SLC13A1: variants seen among roughly 807,000 people sequenced by gnomAD.
SLC13A1 encodes the protein solute carrier family 13 member 1.
In SLC13A1, 65 loss-of-function variants were observed where a neutral mutation model predicts 70.0. The observed-to-expected ratio is 0.93, with a 90% CI of 0.76 to 1.14. The LOEUF (loss-of-function observed/expected upper bound fraction) is 1.14, where lower values mean the gene tolerates loss of function less well. Ranked by LOEUF, SLC13A1 falls within the 50% of genes most tolerant of loss-of-function variation. The probability of loss-of-function intolerance (pLI) is 0.00; values close to 1 mark genes in which losing one functional copy is unlikely to be tolerated. For missense variants in SLC13A1, 726 were observed against 717.8 expected (o/e 1.01, Z -0.13); for synonymous variants, 275 against 250.5 (o/e 1.10, Z -0.92).
intron 1 of SLC13A1, among the ~76,000 whole-genome samples, chr7:123,186,385 T>G (rs1795800965): frequency 6.6e-6 from 1 of 152,092 alleles, no homozygotes; most frequent in Non-Finnish European, 1.5e-5. Context: ...TATTTGATTT[T>G]AGGACTGGCT....
At chr7:123,149,703 T>G (rs1402235443) in intron 6 of SLC13A1, 1 of 436,266 alleles carries the variant, frequency 2.3e-6, no homozygotes, top group African/African-American at 2.0e-5. Flanking sequence ...CATTTTACCA[T>G]CCTGGTTATC....
rs1793111768 is a variant in SLC13A1, at chr7:123,114,327, A to G, written c.*1191T>C. 6.6e-6 allele frequency: 1 copy of G among 152,032 alleles called. No individual in the cohort carries two copies. Among genetic ancestry groups the G allele is most frequent in the Admixed American group, 6.5e-5 (1 of 15,272 alleles). The allele number at this position is 152,032 out of a possible 1,614,324, so 9.4% of individuals were successfully genotyped here. On this transcript the variant is annotated 3_prime_UTR_variant, in exon 15 of 15. Coordinates refer to ENST00000194130, the MANE Select transcript of SLC13A1 (RefSeq NM_022444.4). ...TTGGGGGTGTATGTGATATTTTGCT[A>G]CCTGTCTACAATGTGTAATTGTCAC...
At position 123,124,905 on chromosome 7, in the gene SLC13A1, C is replaced by A. The variant is rs571464620; in HGVS notation, c.1240+664G>T. Among the ~76,000 whole-genome samples the A allele has an allele frequency of 5.9e-5, 9 of 152,178 alleles. No individual in the cohort carries two copies. The East Asian group carries it at 1.7e-3, about 29-fold the overall frequency. On this transcript the variant is annotated intron_variant, in intron 11 of 14. Transcript: ENST00000194130. ...CCTCCAACTCCTGGGCTCAAGTGAT[C>A]CTCCTGCGTTGGCCTCCAGATTGGC...
At chr7:123,127,945 T>C (rs1793617229) in intron 10 of SLC13A1, among the ~76,000 whole-genome samples, 1 of 149,810 alleles carries the variant, frequency 6.7e-6, no homozygotes, top group African/African-American at 2.5e-5. Context: ...GAAAGATAGA[T>C]TGGGAACACA....
In SLC13A1 at chr7:123,115,597, C is replaced by T; in HGVS notation, c.1709G>A (p.Cys570Tyr). Residue 570 changes from cysteine to tyrosine, a missense_variant, in exon 15 of 15, where the codon TGT (cysteine) becomes TAT (tyrosine). Coordinates refer to ENST00000194130, the MANE Select transcript of SLC13A1 (RefSeq NM_022444.4). ...VGVAVVMLGI[C>Y]TWIVPMFDLY... ...GTCAAACATGGGTACAATCCAAGTA[C>T]ATATGCCAAGCATAACCACAGCAAC... is the stretch of plus-strand genomic sequence containing the variant. The T allele has an allele frequency of 1.2e-6, 2 of 1,613,834 alleles. No individual in the cohort carries two copies. Among genetic ancestry groups the T allele is most frequent in the African/African-American group, 1.3e-5 (1 of 75,014 alleles).
At position 123,168,498 on chromosome 7, in the gene SLC13A1, C is replaced by A; in HGVS notation, c.611+6G>T. 1 of 1,608,422 alleles carries A rather than the reference C, an allele frequency of 6.2e-7. No individual in the cohort carries two copies. The highest frequency in any genetic ancestry group is 8.5e-7 in the Non-Finnish European group (1 of 1,176,170). On this transcript the variant is annotated splice_donor_region_variant and intron_variant, in intron 5 of 14. Transcript: ENST00000194130. ...AAATCCCAATCAAAATGTCAGTATT[C>A]CTTACCCTGGAACTGGTTTTGTTTT...
In SLC13A1 at chr7:123,129,366, G is replaced by A. The variant is rs867116811; in HGVS notation, c.1031+17C>T. ...TGTGTGTGTGTGTGTGTGTGTGTGT[G>A]TGTGTGTTTGTCTTACCTTATTGGC... is the stretch of plus-strand genomic sequence containing the variant. On this transcript the variant is annotated intron_variant, in intron 9 of 14. Coordinates refer to ENST00000194130, the MANE Select transcript of SLC13A1 (RefSeq NM_022444.4). The A allele has an allele frequency of 4.1e-6, 4 of 978,572 alleles. No individual in the cohort carries two copies. The highest frequency in any genetic ancestry group is 6.0e-6 in the Non-Finnish European group (4 of 666,370). The allele number at this position is 978,572 out of a possible 1,614,324, so 60.6% of individuals were successfully genotyped here.
At chr7:123,147,805 T>C (rs1027774647) in intron 6 of SLC13A1, among the ~76,000 whole-genome samples, 4 of 152,186 alleles carry the variant, frequency 2.6e-5, no homozygotes, top group African/African-American at 9.7e-5. Context: ...CTGAAATATT[T>C]TAAAAACCCA....
chr7:123,137,504 C>T (rs1016066129), intron 7 of SLC13A1, among the ~76,000 whole-genome samples: 15 of 152,148 alleles, frequency 9.9e-5, no homozygotes, highest in Admixed American at 9.2e-4. Flanking sequence ...ATCCTGTTGT[C>T]AGAGGAAGGG....
intron 13 of SLC13A1, 91 bp from the exon 14 acceptor site, chr7:123,117,699 A>T: frequency 1.4e-6 from 1 of 710,354 alleles, no homozygotes; most frequent in Non-Finnish European, 2.3e-6. Context: ...AAGCCTTCCC[A>T]GAAGCATGTT....
chr7:123,116,839 G>A (rs1793195372), intron 14 of SLC13A1, among the ~76,000 whole-genome samples: 1 of 152,118 alleles, frequency 6.6e-6, no homozygotes, highest in African/African-American at 2.4e-5. Flanking sequence ...TTGGAAATTG[G>A]TGATGAAGAT....
intron 9 of SLC13A1, 27 bp downstream of exon 9, chr7:123,129,355 TG>T (rs1222583595): frequency 8.6e-7 from 1 of 1,156,174 alleles, no homozygotes; most frequent in East Asian, 2.4e-5. Flanking sequence ...TGTGTGTGTG[TG>T]TGTGTGTGTG....
chr7:123,119,054 T>C (rs753464938), intron 13 of SLC13A1, 27 bp downstream of exon 13: 2 of 1,594,452 alleles, frequency 1.3e-6, no homozygotes, highest in East Asian at 2.2e-5. Context: ...TAATGAAGAG[T>C]AAAAAGGGGA....
intron 9 of SLC13A1, 39 bp downstream of exon 9, chr7:123,129,344 G>C (rs774740703): frequency 0.038 from 28,349 of 752,338 alleles, 873 homozygotes; most frequent in East Asian, 0.1. Context: ...GTGTGTGTGT[G>C]TGTGTGTGTG....
At position 123,114,186 on chromosome 7, in the gene SLC13A1, G is replaced by A. The variant is rs1585273582; in HGVS notation, c.*1332C>T. 1 of 144,696 alleles carries A rather than the reference G, an allele frequency of 6.9e-6. No individual in the cohort carries two copies. The highest frequency in any genetic ancestry group is 2.6e-5 in the African/African-American group (1 of 38,914). The allele number at this position is 144,696 out of a possible 1,614,324, so 9.0% of individuals were successfully genotyped here. ...CTGTGATATAACATCTGCATCTTTT[G>A]CTAACTGTGCACCTTACTTTGTTTT... On this transcript the variant is annotated 3_prime_UTR_variant, in exon 15 of 15. Transcript: ENST00000194130.
chr7:123,197,428 T>C (rs2116698548), intron 1 of SLC13A1, among the ~76,000 whole-genome samples: 1 of 152,258 alleles, frequency 6.6e-6, no homozygotes. Context: ...ACCTAAAAGT[T>C]AACAGTAAAT....
At chr7:123,115,715 A>G in intron 14 of SLC13A1, 60 bp from the exon 15 acceptor site, 1 of 1,578,986 alleles carries the variant, frequency 6.3e-7, no homozygotes, top group Non-Finnish European at 8.7e-7. Context: ...GGAGATTAGA[A>G]TCCTATTGTA....
chr7:123,162,562 C>T (rs143805353), intron 6 of SLC13A1, among the ~76,000 whole-genome samples: 189 of 152,228 alleles, frequency 1.2e-3, no homozygotes, highest in African/African-American at 4.3e-3. Flanking sequence ...TGCCATCCAA[C>T]TTCTCCCAGT....
chr7:123,129,406 T>C lies in SLC13A1; in HGVS notation c.1008A>G (p.Glu336=). 1.9e-6 allele frequency: 3 copies of C among 1,600,070 alleles called. No homozygotes were observed. Among genetic ancestry groups the C allele is most frequent in the Non-Finnish European group, 8.5e-7 (1 of 1,174,694 alleles). ...ACCTTATTGGCCCAAGCTTTTGGTA[T>C]TCTTGCTTAATCACCTCAGCACAAG... ...QKACAEVIKQ[E]YQKLGPIRYQ... The change falls in exon 9 of 15, where the codon GAA becomes GAG. Residue 336 remains glutamate, a synonymous_variant. Transcript: ENST00000194130.
Sources: gnomAD v4.1 joint callset for allele counts (sites outside exome capture counted in the v4.1 genomes callset) on GRCh38, gnomAD v4.1.1 for gene constraint, MANE v1.5 for transcripts, NCBI Gene and HGNC (gene_info 2026-07-23, HGNC 2026-07-21) for gene names.